The following DGKH variants were observed in gnomAD, a reference collection of about 807,000 sequenced individuals.
DGKH encodes the protein DAG kinase eta.
A neutral mutation model predicts 159.3 loss-of-function variants in DGKH; 90 were observed. The ratio of observed to expected loss-of-function variants is 0.57; its 90% CI spans 0.48 to 0.67. DGKH has a LOEUF of 0.67. DGKH is among the 30% of genes least tolerant of loss of function. DGKH has a pLI of 0.00. For missense variants in DGKH, 1,181 were observed against 1,506.1 expected (o/e 0.78, Z 3.57); for synonymous variants, 536 against 553.8 (o/e 0.97, Z 0.45).
In DGKH at chr13:42,095,156, C is replaced by CTTTTTTTTTTTTTTTTT. The variant is rs776422302; in HGVS notation, c.193-32299_193-32283dup. ...GCAGCCGCTCAATAAATGTTGACTC[C>CTTTTTTTTTTTTTTTTT]TTTTTTTTTTTTTTTTTTTTTTTTG... On this transcript the variant is annotated intron_variant, in intron 1 of 29. Transcript: ENST00000337343. Among the ~76,000 whole-genome samples, 10 of 76,804 alleles carry CTTTTTTTTTTTTTTTTT rather than the reference C, an allele frequency of 1.3e-4. 1 individual carries two copies. Among genetic ancestry groups the CTTTTTTTTTTTTTTTTT allele is most frequent in the African/African-American group, 1.6e-4 (3 of 18,272 alleles). The allele number at this position is 76,804 out of a possible 152,430, so 50.4% of individuals were successfully genotyped here. A position where few individuals can be genotyped will look rare whatever the true frequency, so the allele number is the denominator to read the frequency against.
intron 1 of DGKH, among the ~76,000 whole-genome samples, chr13:42,051,604 C>G (rs1881307722): frequency 1.4e-5 from 2 of 147,720 alleles, no homozygotes; most frequent in African/African-American, 5.0e-5. Flanking sequence ...AAGATGGGAG[C>G]ACCTGGAGGA....
At chr13:42,135,507 A>AAAAG (rs71096557) in intron 3 of DGKH, among the ~76,000 whole-genome samples, 1 of 113,402 alleles carries the variant, frequency 8.8e-6, no homozygotes, top group Non-Finnish European at 1.9e-5. Flanking sequence ...AAAAAAAAAA[A>AAAAG]AGAGAGAGAG....
At chr13:42,214,397 C>T (rs1957737015) in intron 24 of DGKH, 110 bp from the exon 25 acceptor site, 2 of 1,005,468 alleles carry the variant, frequency 2.0e-6, no homozygotes, top group Admixed American at 2.6e-5. Context: ...TTCTTCCATA[C>T]TGATCTTCAT....
At chr13:42,251,446 A>T (rs759794853) in intron 29 of DGKH, among the ~76,000 whole-genome samples, 3 of 152,150 alleles carry the variant, frequency 2.0e-5, no homozygotes. Context: ...TTATATCTAT[A>T]TTCCTTTTAT....
upstream of DGKH, among the ~76,000 whole-genome samples, chr13:42,047,290 A>G (rs1880851579): frequency 6.6e-6 from 1 of 152,222 alleles, no homozygotes; most frequent in Non-Finnish European, 1.5e-5. Context: ...TGTTAGCTCT[A>G]ATATATCAAA....
chr13:42,103,898 T>C (rs895685971), intron 1 of DGKH, among the ~76,000 whole-genome samples: 1 of 152,136 alleles, frequency 6.6e-6, no homozygotes, highest in Non-Finnish European at 1.5e-5. Flanking sequence ...TTATATAGAA[T>C]GACTACTATA....
At chr13:42,220,484 A>G (rs1957938737) in intron 28 of DGKH, among the ~76,000 whole-genome samples, 1 of 152,232 alleles carries the variant, frequency 6.6e-6, no homozygotes, top group Admixed American at 6.5e-5. Flanking sequence ...TGCCTTTCAT[A>G]ACCAAATAAT....
chr13:42,225,350 T>A, intron 29 of DGKH: 1 of 1,575,280 alleles, frequency 6.3e-7, no homozygotes, highest in South Asian at 1.2e-5. Context: ...GAGAGTTTTT[T>A]GTTTAGTTTA....
In DGKH at chr13:42,049,052, C is replaced by G. The variant is rs1446663595; in HGVS notation, c.192+87C>G. ...GGCGCTGGAACGCGCCGGGCGATCC[C>G]GGGAAGGCGGGGAAGGCGGGGAAGG... On this transcript the variant is annotated intron_variant, in intron 1 of 29. Transcript: ENST00000337343. The G allele has an allele frequency of 5.5e-6, 5 of 911,356 alleles. No individual in the cohort carries two copies. In the Admixed American group the frequency reaches 4.8e-4, roughly 88 times the overall value. The allele number at this position is 911,356 out of a possible 1,614,324, so 56.5% of individuals were successfully genotyped here. A position where few individuals can be genotyped will look rare whatever the true frequency, so the allele number is the denominator to read the frequency against.
chr13:42,247,606 A>C (rs1958591819), downstream of DGKH, among the ~76,000 whole-genome samples: 1 of 152,212 alleles, frequency 6.6e-6, no homozygotes, highest in African/African-American at 2.4e-5. Flanking sequence ...AAACAGCCTC[A>C]GGCAGTTCCT....
rs781686818 is a variant in DGKH, at chr13:42,198,467, T to C, written c.2168-11T>C. 6.2e-7 allele frequency: 1 copy of C among 1,611,472 alleles called. No homozygotes were observed. Among genetic ancestry groups the C allele is most frequent in the South Asian group, 1.1e-5 (1 of 90,440 alleles). ...ACATGCGATCCCATATGTGTTTGCT[T>C]TTCTTTCCAGGTTTAAGAGCAGGAC... On this transcript the variant is annotated splice_polypyrimidine_tract_variant and intron_variant, in intron 17 of 29. Transcript: ENST00000337343.
At chr13:42,143,062 A>G (rs1267342823) in intron 3 of DGKH, among the ~76,000 whole-genome samples, 5 of 152,072 alleles carry the variant, frequency 3.3e-5, no homozygotes, top group African/African-American at 9.7e-5. Flanking sequence ...TTACTTTGAG[A>G]TACATCCCAT....
At chr13:42,181,227 A>C (rs1454573745) in intron 13 of DGKH, among the ~76,000 whole-genome samples, 2 of 137,112 alleles carry the variant, frequency 1.5e-5, no homozygotes, top group African/African-American at 5.1e-5. Flanking sequence ...CAGTGAGCGG[A>C]GATTGCGCCA....
intron 29 of DGKH, chr13:42,225,400 C>A: frequency 7.4e-7 from 1 of 1,346,538 alleles, no homozygotes; most frequent in Admixed American, 2.4e-5. Context: ...GTATGTATGG[C>A]TGGAAGGATA....
At chr13:42,108,029 G>A (rs1009955603) in intron 1 of DGKH, among the ~76,000 whole-genome samples, 3 of 152,064 alleles carry the variant, frequency 2.0e-5, no homozygotes, top group African/African-American at 2.4e-5. Flanking sequence ...GCTTTATTAC[G>A]AGTCCTTAAA....
intron 3 of DGKH, among the ~76,000 whole-genome samples, chr13:42,132,860 G>A (rs115227091): frequency 1.1e-3 from 175 of 152,246 alleles, no homozygotes; most frequent in African/African-American, 4.0e-3. Flanking sequence ...AACAGAGTGA[G>A]ACCCTGTCTA....
intron 7 of DGKH, among the ~76,000 whole-genome samples, chr13:42,161,411 G>A (rs919424559): frequency 2.0e-5 from 3 of 152,194 alleles, no homozygotes; most frequent in Non-Finnish European, 4.4e-5. Flanking sequence ...CACTTTGGGA[G>A]GCCAAGGTGG....
chr13:42,166,492 C>A (rs1406659591), intron 8 of DGKH, 23 bp from the exon 9 acceptor site: 2 of 1,488,044 alleles, frequency 1.3e-6, no homozygotes, highest in South Asian at 1.5e-5. Context: ...ATGTATTGAT[C>A]TTGTGTTGTG....
intron 20 of DGKH, among the ~76,000 whole-genome samples, chr13:42,202,929 A>G (rs1957382440): frequency 6.6e-6 from 1 of 152,158 alleles, no homozygotes; most frequent in African/African-American, 2.4e-5. Context: ...ATAATTATAT[A>G]TTGTTTCAAG....
Sources: gnomAD v4.1 joint callset for allele counts (sites outside exome capture counted in the v4.1 genomes callset) on GRCh38, gnomAD v4.1.1 for gene constraint, MANE v1.5 for transcripts, NCBI Gene and HGNC (gene_info 2026-07-23, HGNC 2026-07-21) for gene names.